Variants in DHRS7C observed in about 807,000 individuals in gnomAD.
DHRS7C encodes dehydrogenase/reductase 7C.
DHRS7C carries 28 observed loss-of-function variants against 29.6 expected under a neutral mutation model. The observed-to-expected ratio is 0.95, with a 90% CI of 0.70 to 1.30. DHRS7C has a LOEUF of 1.30. Among genes scored for constraint, DHRS7C ranks in the 50% most tolerant of loss-of-function variants. The pLI, the probability that DHRS7C is intolerant of heterozygous loss-of-function variation, is 0.00. For missense variants in DHRS7C, 403 were observed against 393.3 expected, an observed-to-expected ratio of 1.02 and a Z score of -0.21; for synonymous variants, 158 against 160.2, an observed-to-expected ratio of 0.99 and a Z score of 0.10.
intron 5 of DHRS7C, among the ~76,000 whole-genome samples, 193 bp downstream of exon 5, chr17:9,772,574 A>T (rs542964256): frequency 7.9e-5 from 12 of 152,060 alleles, no homozygotes; most frequent in Non-Finnish European, 1.8e-4. Context: ...TGCAGTGAGG[A>T]TTCTGTCTAC....
intron 1 of DHRS7C, among the ~76,000 whole-genome samples, chr17:9,785,959 GGGC>G: frequency 6.6e-6 from 1 of 152,192 alleles, no homozygotes; most frequent in East Asian, 1.9e-4. Context: ...GTATTAGACT[GGGC>G]ATCCCAATTC....
At position 9,778,695 on chromosome 17, in the gene DHRS7C, GC is replaced by G. The variant is rs575546458; in HGVS notation, c.478+1129del. On this transcript the variant is annotated intron_variant, in intron 3 of 5. Transcript: ENST00000571134. ...AGAAGCTCTGGAAAGTCATCTTTCT[GC>G]CCCAAATGCGTCTTTCTCTTCATCT... is the stretch of plus-strand genomic sequence containing the variant. Among the ~76,000 whole-genome samples, 329 of 152,266 alleles carry G rather than the reference GC, an allele frequency of 2.2e-3. 1 individual carries two copies. The highest frequency in any genetic ancestry group is 6.8e-3 in the Middle Eastern group (2 of 294).
chr17:9,781,623 C>T (rs1310427966), intron 1 of DHRS7C, 29 bp from the exon 2 acceptor site: 2 of 1,607,276 alleles, frequency 1.2e-6, no homozygotes, highest in African/African-American at 1.3e-5. Flanking sequence ...CAGGGCAGGG[C>T]ACACTGTGTG....
At chr17:9,777,391 TC>T (rs1185447536) in intron 3 of DHRS7C, 106 bp from the exon 4 acceptor site, 1 of 781,518 alleles carries the variant, frequency 1.3e-6, no homozygotes, top group Non-Finnish European at 2.0e-6. Context: ...CTCCGCTACC[TC>T]CGCGGTAACT....
chr17:9,787,958 A>G (rs1027648371), intron 1 of DHRS7C, among the ~76,000 whole-genome samples: 3 of 151,802 alleles, frequency 2.0e-5, no homozygotes, highest in Admixed American at 6.6e-5. Flanking sequence ...CGATTCACCT[A>G]CCTCGGCCTC....
intron 1 of DHRS7C, among the ~76,000 whole-genome samples, chr17:9,783,936 G>GTTT (rs11409360): frequency 1.4e-5 from 2 of 145,782 alleles, no homozygotes; most frequent in Admixed American, 6.8e-5. Flanking sequence ...GTGAGACTCT[G>GTTT]TTTTTTTTTT....
rs756074913 is a variant in DHRS7C at position 9,779,896 on chromosome 17, T to A, written c.407A>T (p.His136Leu). 2.5e-6 allele frequency: 4 copies of A among 1,613,776 alleles called. No individual in the cohort carries two copies. The African/African-American group carries it at 5.3e-5, about 22-fold the overall frequency. The change falls in exon 3 of 6, where the codon CAT becomes CTT. Residue 136 changes from histidine (H) to leucine (L), a missense_variant. By Grantham distance (99) the His-to-Leu change is moderately conservative. Coordinates refer to ENST00000571134, the MANE Select transcript of DHRS7C (RefSeq NM_001105571.3). Reference sequence around the variant, plus strand: ...TTTGTCGAGCTCCAGAGAAATCTTATGGGCAGGCCCCTTCACCTTCACACT... The same window carrying A: ...TTTGTCGAGCTCCAGAGAAATCTTAAGGGCAGGCCCCTTCACCTTCACACT... ...NASVKVKGPA[H>L]KISLELDKKI... is the part of the protein sequence containing the mutation.
chr17:9,771,735 G>A (rs776818672), intron 5 of DHRS7C, 39 bp from the exon 6 acceptor site: 2 of 1,382,468 alleles, frequency 1.4e-6, no homozygotes, highest in South Asian at 1.8e-5. Context: ...TATGACCTCC[G>A]TGGGGACCCG....
chr17:9,784,645 A>G (rs2066412472), intron 1 of DHRS7C, among the ~76,000 whole-genome samples: 1 of 152,262 alleles, frequency 6.6e-6, no homozygotes, highest in Admixed American at 6.5e-5. Flanking sequence ...GAAAAAAGAT[A>G]AAGTTGCTAA....
chr17:9,773,047 A>G, intron 4 of DHRS7C, 125 bp from the exon 5 acceptor site: 2 of 1,179,820 alleles, frequency 1.7e-6, no homozygotes, highest in African/African-American at 1.5e-5. Flanking sequence ...AAGATCCTCA[A>G]GAATCTGCCC....
At chr17:9,783,678 A>T (rs1358587295) in intron 1 of DHRS7C, among the ~76,000 whole-genome samples, 1 of 152,224 alleles carries the variant, frequency 6.6e-6, no homozygotes, top group Admixed American at 6.5e-5. Context: ...TTACGTAAAA[A>T]GTGGGAGCTG....
Position 9,771,440 on chromosome 17 carries a change from C to A in DHRS7C, c.*48G>T, listed in dbSNP as rs778585779. ...CATAGGACAGAAGCGCCAGCACCTG[C>A]CAGAAAAACCTTTATTTCCAAGGGG... On this transcript the variant is annotated 3_prime_UTR_variant, in exon 6 of 6. Transcript: ENST00000571134. 7.0e-7 allele frequency: 1 copy of A among 1,421,530 alleles called. No individual in the cohort carries two copies. The highest frequency in any genetic ancestry group is 1.5e-5 in the African/African-American group (1 of 68,414). 88.1% of individuals were successfully genotyped at this position (1,421,530 alleles called of 1,614,324 possible).
Position 9,786,368 on chromosome 17 carries a change from T to TAATA in DHRS7C, c.154+4762_154+4763insTATT, listed in dbSNP as rs1567703762. Reference sequence around the variant, plus strand: ...TAATAATAATAATAATAATAATAATTAATCAGAAAAGTCAGGAACCGCCTG... The same window carrying TAATA: ...TAATAATAATAATAATAATAATAATTAATAAATCAGAAAAGTCAGGAACCGCCTG... On this transcript the variant is annotated intron_variant, in intron 1 of 5. Transcript: ENST00000571134. 1.2e-3 allele frequency among the ~76,000 whole-genome samples: 131 copies of TAATA among 106,038 alleles called. 2 individuals are homozygous for TAATA. The highest frequency in any genetic ancestry group is 2.2e-3 in the South Asian group (8 of 3,592). 69.6% of individuals were successfully genotyped at this position (106,038 alleles called of 152,430 possible).
At chr17:9,782,573 A>G (rs1049726807) in intron 1 of DHRS7C, among the ~76,000 whole-genome samples, 1 of 152,218 alleles carries the variant, frequency 6.6e-6, no homozygotes, top group Non-Finnish European at 1.5e-5. Context: ...GGGTGCGTGC[A>G]TAGGCTGTGT....
At chr17:9,771,833 C>A (rs1042734184) in intron 5 of DHRS7C, 137 bp from the exon 6 acceptor site, 5 of 868,124 alleles carry the variant, frequency 5.8e-6, no homozygotes, top group South Asian at 8.3e-5. Context: ...CCCCCTCCGC[C>A]ACCCGCGGAC....
intron 4 of DHRS7C, among the ~76,000 whole-genome samples, chr17:9,773,711 A>G (rs957673091): frequency 1.4e-5 from 2 of 143,144 alleles, no homozygotes; most frequent in African/African-American, 5.1e-5. Context: ...AGTTCTCTGC[A>G]ATGAGGCCTT....
Position 9,782,022 on chromosome 17 carries a change from A to G in DHRS7C, c.155-428T>C, listed in dbSNP as rs533992442. On this transcript the variant is annotated intron_variant, in intron 1 of 5. Coordinates refer to ENST00000571134, the MANE Select transcript of DHRS7C (RefSeq NM_001105571.3). Reference sequence around the variant, plus strand: ...TTCTCTGGGGATAGACACCTCAGCCAGGGTTCTTTTTATTTAAAAAGTAAA... The same window carrying G: ...TTCTCTGGGGATAGACACCTCAGCCGGGGTTCTTTTTATTTAAAAAGTAAA... Among the ~76,000 whole-genome samples, 3 of 152,346 alleles carry G rather than the reference A, an allele frequency of 2.0e-5. No individual in the cohort carries two copies. The South Asian group carries it at 6.2e-4, about 32-fold the overall frequency.
chr17:9,782,340 T>C (rs571655879), intron 1 of DHRS7C, among the ~76,000 whole-genome samples: 1 of 152,250 alleles, frequency 6.6e-6, no homozygotes, highest in East Asian at 1.9e-4. Context: ...AGACAAGGAT[T>C]CGGGTGGCCA....
chr17:9,778,234 A>C (rs2066373333), intron 3 of DHRS7C, among the ~76,000 whole-genome samples: 1 of 150,738 alleles, frequency 6.6e-6, no homozygotes. Context: ...TACTAAAAAA[A>C]ATACAAAAAA....
Sources: allele counts gnomAD v4.1 joint callset (sites outside exome capture counted in the v4.1 genomes callset), GRCh38; gene constraint gnomAD v4.1.1; transcripts MANE v1.5; gene names NCBI Gene and HGNC (gene_info 2026-07-23, HGNC 2026-07-21).